Variants in SLC17A2 observed in about 807,000 individuals in gnomAD.
SLC17A2 encodes the protein solute carrier family 17 member 2, also known as sodium-dependent phosphate transport protein 3.
In SLC17A2, 38 loss-of-function variants were observed where a neutral mutation model predicts 52.1. The ratio of observed to expected loss-of-function variants is 0.73; its 90% CI spans 0.56 to 0.96. The LOEUF (loss-of-function observed/expected upper bound fraction) is 0.96. Ranked by LOEUF, SLC17A2 falls within the 40% of genes least tolerant of loss-of-function variation. SLC17A2 has a pLI of 0.00. For missense variants in SLC17A2, 508 were observed against 583.9 expected (o/e 0.87, Z 1.34); for synonymous variants, 226 against 211.9 (o/e 1.07, Z -0.58).
chr6:25,913,602 G>A, intron 11 of SLC17A2, 151 bp from the exon 12 acceptor site: 2 of 737,578 alleles, frequency 2.7e-6, no homozygotes, highest in Non-Finnish European at 2.1e-6. Context: ...TGAAACTATT[G>A]GAAACAAAAT....
intron 6 of SLC17A2, among the ~76,000 whole-genome samples, chr6:25,917,748 A>G (rs1766382942): frequency 6.6e-6 from 1 of 152,250 alleles, no homozygotes; most frequent in Non-Finnish European, 1.5e-5. Flanking sequence ...TTATTTGAAG[A>G]ACATTCTATG....
intron 5 of SLC17A2, among the ~76,000 whole-genome samples, chr6:25,919,569 A>G (rs956236112): frequency 4.6e-5 from 7 of 151,552 alleles, no homozygotes; most frequent in Admixed American, 2.0e-4. Flanking sequence ...TCATGGTGGC[A>G]GGCGCCTGTA....
chr6:25,915,893 G>A (rs750737839), intron 8 of SLC17A2, 25 bp from the exon 9 acceptor site: 8 of 1,609,166 alleles, frequency 5.0e-6, no homozygotes, highest in Non-Finnish European at 6.8e-6. Context: ...TTTATACAGA[G>A]TAGTTATAGA....
At chr6:25,923,945 C>T (rs750979236) in intron 2 of SLC17A2, 39 bp from the exon 3 acceptor site, 4 of 1,492,012 alleles carry the variant, frequency 2.7e-6, no homozygotes, top group Non-Finnish European at 2.8e-6. Context: ...AGCATCCTGA[C>T]TGAGACCCCT....
intron 1 of SLC17A2, among the ~76,000 whole-genome samples, chr6:25,927,061 G>A (rs979947909): frequency 1.3e-5 from 2 of 152,172 alleles, no homozygotes; most frequent in Non-Finnish European, 2.9e-5. Context: ...GCAGGAATCC[G>A]TCTCAAAACA....
In SLC17A2 at chr6:25,915,591, G is replaced by A. The variant is rs773778901; in HGVS notation, c.1119C>T (p.Tyr373=). 1.2e-5 allele frequency: 19 copies of A among 1,612,790 alleles called. No homozygotes were observed. Among genetic ancestry groups the A allele is most frequent in the Admixed American group, 3.3e-5 (2 of 59,774 alleles). Residue 373 remains tyrosine (Y), a synonymous_variant, in exon 10 of 12, where the codon TAC becomes TAT. Transcript: ENST00000377850. The part of the protein sequence containing the change: ...AVALPFVASS[Y]VITIILLILI... ...GTATCAGCAAAATAATGGTTATCAC[G>A]TAACTGGAGGCCACAAAGGGCAGGG... is the stretch of plus-strand genomic sequence containing the variant.
At chr6:25,917,285 TAGAA>T (rs543442618) in intron 6 of SLC17A2, among the ~76,000 whole-genome samples, 198 bp from the exon 7 acceptor site, 13 of 152,208 alleles carry the variant, frequency 8.5e-5, no homozygotes, top group Non-Finnish European at 1.5e-4. Context: ...ACGTCTCAAA[TAGAA>T]AGCCACCATT....
intron 3 of SLC17A2, 66 bp downstream of exon 3, chr6:25,923,629 A>C (rs1766639393): frequency 8.2e-7 from 1 of 1,217,304 alleles, no homozygotes; most frequent in Admixed American, 1.7e-5. Flanking sequence ...CCACAGAATC[A>C]AGATCTATGC....
chr6:25,919,993 A>G (rs2151550025), intron 5 of SLC17A2, among the ~76,000 whole-genome samples: 1 of 152,342 alleles, frequency 6.6e-6, no homozygotes, highest in African/African-American at 2.4e-5. Context: ...CTCTGTAAGC[A>G]TGAAGGAACA....
chr6:25,915,149 G>GTATATATATATATAGATA (rs1554137785), intron 10 of SLC17A2, among the ~76,000 whole-genome samples: 1 of 57,850 alleles, frequency 1.7e-5, no homozygotes, highest in African/African-American at 5.7e-5. Flanking sequence ...TATTGTGACT[G>GTATATATATATATAGATA]TATATATATA....
intron 5 of SLC17A2, among the ~76,000 whole-genome samples, chr6:25,919,624 C>A (rs746174815): frequency 1.5e-5 from 2 of 133,782 alleles, no homozygotes; most frequent in African/African-American, 2.9e-5. Context: ...GGCGTGAACC[C>A]GGGAGGCGGA....
At chr6:25,919,527 C>T (rs1191459318) in intron 5 of SLC17A2, among the ~76,000 whole-genome samples, 1 of 150,900 alleles carries the variant, frequency 6.6e-6, no homozygotes, top group Non-Finnish European at 1.5e-5. Flanking sequence ...CTTGAAACCC[C>T]GTCTCTACTA....
rs1044273243 is a variant in SLC17A2 at position 25,930,511 on chromosome 6, T to C, written c.-318A>G. ...ACCTTTGGTAAGTTAGTAATAATCCTTCTACCCAAAAAGAAGAAAAGCACT... is the reference window on the plus strand; with the variant it reads ...ACCTTTGGTAAGTTAGTAATAATCCCTCTACCCAAAAAGAAGAAAAGCACT... On this transcript the variant is annotated 5_prime_UTR_variant, in exon 1 of 12. Transcript: ENST00000377850. 1.3e-5 allele frequency: 2 copies of C among 152,214 alleles called. No homozygotes were observed. The highest frequency in any genetic ancestry group is 2.9e-5 in the Non-Finnish European group (2 of 68,036). The allele number at this position is 152,214 out of a possible 1,614,324, so 9.4% of individuals were successfully genotyped here.
chr6:25,927,045 G>A (rs778946234), intron 1 of SLC17A2, among the ~76,000 whole-genome samples: 1 of 152,186 alleles, frequency 6.6e-6, no homozygotes, highest in Admixed American at 6.5e-5. Context: ...CAGCTTGGGG[G>A]ACAGAGCAGG....
chr6:25,928,866 A>G (rs1056492866), intron 1 of SLC17A2, among the ~76,000 whole-genome samples: 1 of 152,230 alleles, frequency 6.6e-6, no homozygotes, highest in Non-Finnish European at 1.5e-5. Context: ...TTCTAGTGCC[A>G]AAGTTGTAAG....
At chr6:25,919,874 A>G (rs998157223) in intron 5 of SLC17A2, among the ~76,000 whole-genome samples, 1 of 152,124 alleles carries the variant, frequency 6.6e-6, no homozygotes. Context: ...AGAGCAGCCA[A>G]TGTCCAGTGC....
Position 25,925,911 on chromosome 6 carries a change from C to T in SLC17A2, c.-83-32G>A. ...AGAGAACATAATCCAAAACATAATA[C>T]ACAAATAATTTCCCCTTGTTAATGT... On this transcript the variant is annotated intron_variant, in intron 1 of 11. Transcript: ENST00000377850. The T allele has an allele frequency of 6.3e-6, 7 of 1,102,878 alleles. No homozygotes were observed. The South Asian group carries it at 8.7e-5, about 14-fold the overall frequency. 68.3% of individuals were successfully genotyped at this position (1,102,878 alleles called of 1,614,324 possible). A position where few individuals can be genotyped will look rare whatever the true frequency, so the allele number is the denominator to read the frequency against.
At chr6:25,918,744 A>G (rs565106410) in intron 5 of SLC17A2, among the ~76,000 whole-genome samples, 171 bp from the exon 6 acceptor site, 1 of 152,372 alleles carries the variant, frequency 6.6e-6, no homozygotes, top group African/African-American at 2.4e-5. Flanking sequence ...ATATGATATA[A>G]TTAAAATTAA....
At chr6:25,919,202 A>G (rs915919420) in intron 5 of SLC17A2, among the ~76,000 whole-genome samples, 8 of 152,206 alleles carry the variant, frequency 5.3e-5, no homozygotes, top group African/African-American at 1.9e-4. Flanking sequence ...ATGAATCGAT[A>G]TTTAACTTTA....
Sources: gnomAD v4.1 joint callset for allele counts (sites outside exome capture counted in the v4.1 genomes callset) on GRCh38, gnomAD v4.1.1 for gene constraint, MANE v1.5 for transcripts, NCBI Gene and HGNC (gene_info 2026-07-23, HGNC 2026-07-21) for gene names.